The following MCF2L2 variants were observed in gnomAD, a reference collection of about 807,000 sequenced individuals.
The protein encoded by MCF2L2 is MCF.2 cell line derived transforming sequence-like 2.
In MCF2L2, 102 loss-of-function variants were observed where a neutral mutation model predicts 150.2. That is an observed-to-expected ratio of 0.68 (90% CI 0.58 to 0.80). The LOEUF (loss-of-function observed/expected upper bound fraction) is 0.80. MCF2L2 is among the 30% of genes least tolerant of loss of function. The probability of loss-of-function intolerance (pLI) is 0.00; values close to 1 mark genes in which losing one functional copy is unlikely to be tolerated. For synonymous variants in MCF2L2, 465 were observed against 491.3 expected, an observed-to-expected ratio of 0.95 and a Z score of 0.71; for missense variants, 1,256 against 1,372.8, an observed-to-expected ratio of 0.91 and a Z score of 1.34.
In MCF2L2 at chr3:183,427,953, T is replaced by C; in HGVS notation, c.25A>G (p.Met9Val). 6.2e-7 allele frequency: 1 copy of C among 1,613,166 alleles called. No homozygotes were observed. Among genetic ancestry groups the C allele is most frequent in the Non-Finnish European group, 8.5e-7 (1 of 1,179,626 alleles). MLSCLKEE[M>V]PPQELTRRLA... ...CGCCGGGTGAGCTCCTGGGGAGGCA[T>C]CTCTTCTTTTAAGCAAGACAGCATT... The change falls in exon 1 of 30, where the codon ATG (methionine) becomes GTG (valine). Residue 9 changes from methionine to valine, a missense_variant. Coordinates refer to ENST00000328913, the MANE Select transcript of MCF2L2 (RefSeq NM_015078.4).
In MCF2L2 at chr3:183,379,292, C is replaced by T; in HGVS notation, c.275+5G>A. The T allele has an allele frequency of 6.2e-7, 1 of 1,602,216 alleles. No homozygotes were observed. The highest frequency in any genetic ancestry group is 8.5e-7 in the Non-Finnish European group (1 of 1,174,150). On this transcript the variant is annotated splice_donor_5th_base_variant and intron_variant, in intron 3 of 29. Coordinates refer to ENST00000328913, the MANE Select transcript of MCF2L2 (RefSeq NM_015078.4). ...TAAGGCGGCAGGACACTGTGCTCAGCTCACCTGGGGATGCTAGTCAGGTAG... is the reference window on the plus strand; with the variant it reads ...TAAGGCGGCAGGACACTGTGCTCAGTTCACCTGGGGATGCTAGTCAGGTAG...
At chr3:183,202,739 A>T (rs1314382929) in intron 25 of MCF2L2, among the ~76,000 whole-genome samples, 1 of 152,266 alleles carries the variant, frequency 6.6e-6, no homozygotes, top group Non-Finnish European at 1.5e-5. Flanking sequence ...AAAAGTCACT[A>T]TAACAAACAA....
At chr3:183,398,926 A>C (rs1714604441) in intron 1 of MCF2L2, among the ~76,000 whole-genome samples, 1 of 152,238 alleles carries the variant, frequency 6.6e-6, no homozygotes, top group African/African-American at 2.4e-5. Flanking sequence ...AAGAAGGCAT[A>C]TATAATGCTG....
chr3:183,277,437 C>T (rs547192463), intron 14 of MCF2L2, among the ~76,000 whole-genome samples: 4 of 150,882 alleles, frequency 2.7e-5, no homozygotes, highest in Admixed American at 1.3e-4. Flanking sequence ...GACAGTAAAG[C>T]GATCACTGCA....
Position 183,179,569 on chromosome 3 carries a change from ACACT to A in MCF2L2, c.3221+4_3221+7del. 6.2e-7 allele frequency: 1 copy of A among 1,613,866 alleles called. No homozygotes were observed. Among genetic ancestry groups the A allele is most frequent in the South Asian group, 1.1e-5 (1 of 91,064 alleles). On this transcript the variant is annotated splice_donor_5th_base_variant and intron_variant, in intron 29 of 29. Coordinates refer to ENST00000328913, the MANE Select transcript of MCF2L2 (RefSeq NM_015078.4). This position sits in a 1 kb window ranked among gnomAD's most constrained non-coding sequence, Gnocchi z 4.2. ...AGAGGCGCTTAGTCTTTCCTCGCTCACACTCACGTTTCCTCCTCATCGCGTTCTT... is the reference window on the plus strand; with the variant it reads ...AGAGGCGCTTAGTCTTTCCTCGCTCACACGTTTCCTCCTCATCGCGTTCTT...
chr3:183,278,283 TTGTGTG>T (rs144622953), intron 14 of MCF2L2, among the ~76,000 whole-genome samples: 29 of 138,530 alleles, frequency 2.1e-4, no homozygotes, highest in African/African-American at 8.4e-4. Context: ...AATGAAAAAA[TTGTGTG>T]TGTGTGTGTG....
intron 10 of MCF2L2, among the ~76,000 whole-genome samples, chr3:183,302,144 T>A (rs765216622): frequency 5.9e-4 from 90 of 152,096 alleles, no homozygotes; most frequent in Non-Finnish European, 1.2e-3. Context: ...GGGCAGGAAG[T>A]ATGTCCTGTG....
intron 1 of MCF2L2, among the ~76,000 whole-genome samples, chr3:183,406,964 G>A (rs1178767516): frequency 2.0e-5 from 3 of 152,158 alleles, no homozygotes; most frequent in African/African-American, 7.2e-5. Flanking sequence ...TTCCTCCTAT[G>A]TTTTCTAACA....
rs1284413006 is a variant in MCF2L2 at position 183,310,897 on chromosome 3, TA to T, written c.993+17del. 2.6e-6 allele frequency: 4 copies of T among 1,565,408 alleles called. No homozygotes were observed. The African/African-American group carries it at 5.4e-5, about 21-fold the overall frequency. On this transcript the variant is annotated intron_variant, in intron 9 of 29. Transcript: ENST00000328913. ...CCGGTACCAGAAAAGAAAGTTACAG[TA>T]AACAAGAAAAGAATACCTTACAAAA...
chr3:183,223,677 C>T (rs946906597), intron 19 of MCF2L2, among the ~76,000 whole-genome samples: 6 of 152,140 alleles, frequency 3.9e-5, no homozygotes, highest in African/African-American at 1.4e-4. Flanking sequence ...GAAGCAGAAC[C>T]ATTTATTTCT....
chr3:183,400,618 G>A, intron 1 of MCF2L2: 1 of 360,276 alleles, frequency 2.8e-6, no homozygotes, highest in Non-Finnish European at 5.5e-6. Context: ...TCATTTCGTG[G>A]CCGAGAGTTG....
intron 3 of MCF2L2, among the ~76,000 whole-genome samples, chr3:183,363,567 G>A (rs1712340259): frequency 7.5e-6 from 1 of 132,710 alleles, no homozygotes; most frequent in Admixed American, 7.4e-5. Flanking sequence ...AACATAGGGA[G>A]ACCCCAACTC....
chr3:183,257,364 C>T (rs1407344196), intron 15 of MCF2L2, among the ~76,000 whole-genome samples: 1 of 152,096 alleles, frequency 6.6e-6, no homozygotes, highest in Non-Finnish European at 1.5e-5. Flanking sequence ...ATTTATTGAC[C>T]CTTTGATAGA....
intron 5 of MCF2L2, among the ~76,000 whole-genome samples, chr3:183,334,793 C>CAAAAA (rs576703262): frequency 1.1e-5 from 1 of 88,550 alleles, no homozygotes; most frequent in African/African-American, 3.3e-5. Flanking sequence ...AACTCCATTT[C>CAAAAA]AAAAAAAAAA....
intron 15 of MCF2L2, among the ~76,000 whole-genome samples, chr3:183,234,707 T>TTATTA (rs1553885347): frequency 1.8e-5 from 2 of 113,906 alleles, no homozygotes; most frequent in African/African-American, 6.0e-5. Context: ...TTTTTTTTTT[T>TTATTA]TTATTATACT....
At chr3:183,201,407 T>C (rs982046826) in intron 25 of MCF2L2, among the ~76,000 whole-genome samples, 2 of 152,226 alleles carry the variant, frequency 1.3e-5, no homozygotes, top group African/African-American at 2.4e-5. Context: ...GGGAGTTCAC[T>C]CATGATTTGG....
In MCF2L2 at chr3:183,298,685, G is replaced by A. The variant is rs529361191; in HGVS notation, c.1305+1320C>T. On this transcript the variant is annotated intron_variant, in intron 11 of 29. Coordinates refer to ENST00000328913, the MANE Select transcript of MCF2L2 (RefSeq NM_015078.4). ...TGCCCAGATCTGCAAAAAACATTAG[G>A]CTGGGATTTTCTGTAGAGTTACTAT... 3 of 151,664 alleles carry A rather than the reference G, an allele frequency of 2.0e-5. No homozygotes were observed. In the South Asian group the frequency reaches 6.3e-4, roughly 32 times the overall value. The allele number at this position is 151,664 out of a possible 1,614,324, so 9.4% of individuals were successfully genotyped here.
At chr3:183,292,669 T>C (rs1728230241) in intron 13 of MCF2L2, among the ~76,000 whole-genome samples, 1 of 152,030 alleles carries the variant, frequency 6.6e-6, no homozygotes, top group Non-Finnish European at 1.5e-5. Flanking sequence ...TAGTGGGGGA[T>C]TAACATATAT....
At position 183,341,598 on chromosome 3, in the gene MCF2L2, A is replaced by G; in HGVS notation, c.308T>C (p.Val103Ala). 1 of 1,614,200 alleles carries G rather than the reference A, an allele frequency of 6.2e-7. No individual in the cohort carries two copies. Among genetic ancestry groups the G allele is most frequent in the Non-Finnish European group, 8.5e-7 (1 of 1,179,994 alleles). The change falls in exon 4 of 30, where the codon GTT (valine) becomes GCT (alanine). Residue 103 changes from valine (V) to alanine (A), a missense_variant. By Grantham distance (64) the Val-to-Ala change is moderately conservative (BLOSUM62 0). Coordinates refer to ENST00000328913, the MANE Select transcript of MCF2L2 (RefSeq NM_015078.4). ...VEAASIGFIVVIDRRRDKWSS... is the reference protein window; with the variant it reads ...VEAASIGFIVAIDRRRDKWSS... ...CCACTTGTCTCTTCGTCTGTCGATA[A>G]CAACAATGAATCCAATGCTGGCAGC... is the stretch of plus-strand genomic sequence containing the variant.
Sources: allele counts gnomAD v4.1 joint callset (sites outside exome capture counted in the v4.1 genomes callset), GRCh38; gene constraint gnomAD v4.1.1; non-coding constraint Gnocchi (gnomAD v3.1); transcripts MANE v1.5; gene names NCBI Gene and HGNC (gene_info 2026-07-23, HGNC 2026-07-21).